The following RTN4 variants were observed in gnomAD, a reference collection of about 807,000 sequenced individuals.
RTN4 encodes reticulon 4, also known as reticulon-4.
RTN4 carries 32 observed loss-of-function variants against 90.4 expected under a neutral mutation model. The ratio of observed to expected loss-of-function variants is 0.35; its 90% confidence interval spans 0.27 to 0.48. RTN4 has a LOEUF of 0.48. RTN4 is among the 20% of genes least tolerant of loss of function. The probability of loss-of-function intolerance (pLI) is 0.99; values close to 1 mark genes in which losing one functional copy is unlikely to be tolerated. For synonymous variants in RTN4, 629 were observed against 552.5 expected (o/e 1.14, Z -1.94); for missense variants, 1,706 against 1,430.2 (o/e 1.19, Z -3.11).
the RTN4 span, among the ~76,000 whole-genome samples, chr2:55,120,041 C>T: frequency 1.3e-5 from 2 of 152,220 alleles, no homozygotes; most frequent in East Asian, 3.9e-4. Flanking sequence ...CCATGCCTCG[C>T]TGTGGGCTGC....
intron 1 of RTN4, among the ~76,000 whole-genome samples, chr2:55,039,543 G>A (rs1199602763): frequency 6.6e-6 from 1 of 152,218 alleles, no homozygotes; most frequent in African/African-American, 2.4e-5. Context: ...ACTTTGGGGG[G>A]CCGAGGCAGG....
intron 8 of RTN4, 39 bp downstream of exon 8, chr2:54,973,524 C>CTT: frequency 6.8e-7 from 1 of 1,464,468 alleles, no homozygotes; most frequent in Non-Finnish European, 9.6e-7. Context: ...TCCAGCACAC[C>CTT]TTATCCTAGT....
At chr2:55,087,356 TC>T (rs1452752583) in intron 1 of RTN4, among the ~76,000 whole-genome samples, 2 of 152,250 alleles carry the variant, frequency 1.3e-5, no homozygotes, top group African/African-American at 4.8e-5. Flanking sequence ...TTCCAGTTGT[TC>T]CACTCATTAG....
At chr2:55,053,696 C>A (rs200724943), upstream of RTN4, among the ~76,000 whole-genome samples, 16 of 142,212 alleles carry the variant, frequency 1.1e-4, no homozygotes, top group South Asian at 4.4e-4. Context: ...CAAAAAAAAA[C>A]AAAAAAAAAA....
intron 3 of RTN4, among the ~76,000 whole-genome samples, chr2:55,024,634 C>T (rs1315264628): frequency 6.6e-6 from 1 of 152,028 alleles, no homozygotes; most frequent in Non-Finnish European, 1.5e-5. Context: ...TTATACCTAC[C>T]ACTGGAAAAG....
intron 3 of RTN4, 78 bp from the exon 4 acceptor site, chr2:54,987,776 C>G (rs2580770): frequency 0.83 from 999,588 of 1,210,136 alleles, 414,865 homozygotes; most frequent in African/African-American, 0.96. Flanking sequence ...AAAACAAAAA[C>G]GCTACTACAT....
intron 1 of RTN4, among the ~76,000 whole-genome samples, chr2:55,031,584 C>G (rs1682320162): frequency 6.6e-6 from 1 of 152,184 alleles, no homozygotes; most frequent in Admixed American, 6.5e-5. Context: ...TCAGAAAGTG[C>G]TGAAGACCTG....
intron 1 of RTN4, among the ~76,000 whole-genome samples, chr2:55,039,219 A>C (rs1682894717): frequency 6.6e-6 from 1 of 152,204 alleles, no homozygotes; most frequent in African/African-American, 2.4e-5. Context: ...CGCATTTGTC[A>C]AAATGTAAAA....
chr2:54,978,653 T>C (rs1459236560), intron 5 of RTN4, among the ~76,000 whole-genome samples: 1 of 152,134 alleles, frequency 6.6e-6, no homozygotes, highest in East Asian at 1.9e-4. Flanking sequence ...GAGAGTAATT[T>C]CTACTACATT....
chr2:55,101,758 T>C (rs1035067759), intron 1 of RTN4, among the ~76,000 whole-genome samples: 2 of 152,134 alleles, frequency 1.3e-5, no homozygotes, highest in African/African-American at 4.8e-5. Context: ...AATTATTAAT[T>C]AGAAGAACTG....
At chr2:55,048,111 G>A (rs1667872343) in intron 1 of RTN4, among the ~76,000 whole-genome samples, 1 of 152,208 alleles carries the variant, frequency 6.6e-6, no homozygotes, top group Non-Finnish European at 1.5e-5. Context: ...GTAGGCAACT[G>A]TAACACAATG....
At chr2:55,002,580 T>C (rs1030294244) in intron 3 of RTN4, among the ~76,000 whole-genome samples, 12 of 152,204 alleles carry the variant, frequency 7.9e-5, no homozygotes, top group African/African-American at 2.7e-4. Context: ...TCCTACACTC[T>C]TTCCAGCTTT....
At chr2:55,116,875 CTTTT>C (rs67265925), upstream of RTN4, among the ~76,000 whole-genome samples, 1 of 126,734 alleles carries the variant, frequency 7.9e-6, no homozygotes, top group East Asian at 2.2e-4. Context: ...TCTTTTTTTC[CTTTT>C]TTTTTTTTTT....
chr2:55,027,345 G>C lies in RTN4; in HGVS notation c.754C>G (p.Leu252Val). 2 of 1,613,614 alleles carry C rather than the reference G, an allele frequency of 1.2e-6. No individual in the cohort carries two copies. Among genetic ancestry groups the C allele is most frequent in the East Asian group, 2.2e-5 (1 of 44,858 alleles). Residue 252 changes from leucine to valine, a missense_variant, in exon 3 of 9, where the codon CTT becomes GTT. Leu to Val is a conservative substitution (Grantham distance 32). Transcript: ENST00000337526. ...SAASFKEHEY[L>V]GNLSTVLPTE... ...GGTAATACTGTTGACAAATTACCAAGGTATTCATGTTCTTTGAAAGAAGCG... is the reference window on the plus strand; with the variant it reads ...GGTAATACTGTTGACAAATTACCAACGTATTCATGTTCTTTGAAAGAAGCG...
At chr2:55,092,300 A>G (rs967338042) in intron 1 of RTN4, among the ~76,000 whole-genome samples, 2 of 146,886 alleles carry the variant, frequency 1.4e-5, no homozygotes, top group African/African-American at 2.5e-5. Context: ...TAATGGCATG[A>G]TCTCAGCTCA....
Position 55,038,625 on chromosome 2 carries a change from ATGT to A in RTN4, c.557-10408_557-10406del, listed in dbSNP as rs1434380685. Among the ~76,000 whole-genome samples the A allele has an allele frequency of 2.0e-5, 3 of 152,342 alleles. No homozygotes were observed. The East Asian group carries it at 5.8e-4, about 29-fold the overall frequency. On this transcript the variant is annotated intron_variant, in intron 1 of 8. Coordinates refer to ENST00000337526, the MANE Select transcript of RTN4 (RefSeq NM_020532.5). ...GAATTTAAAAAACTGACAATATCAA[ATGT>A]TGGTGAAAACGTAAAGCCACCAGAA...
the RTN4 span, among the ~76,000 whole-genome samples, chr2:55,132,637 C>T: frequency 2.0e-5 from 3 of 151,590 alleles, no homozygotes; most frequent in East Asian, 3.9e-4. Context: ...CATGGTATAC[C>T]CCTGTCTCTA....
intron 1 of RTN4, among the ~76,000 whole-genome samples, chr2:55,099,014 G>A (rs1038144110): frequency 1.3e-5 from 2 of 152,108 alleles, no homozygotes; most frequent in Non-Finnish European, 2.9e-5. Context: ...TTGGTTGTCT[G>A]TATTCTTGTT....
upstream of RTN4, among the ~76,000 whole-genome samples, chr2:55,112,923 T>G (rs1167615521): frequency 2.6e-5 from 4 of 152,154 alleles, no homozygotes; most frequent in Non-Finnish European, 4.4e-5. Context: ...GCAGCAACAG[T>G]CTGACATTTA....
Sources: gnomAD v4.1 joint callset for allele counts (sites outside exome capture counted in the v4.1 genomes callset) on GRCh38, gnomAD v4.1.1 for gene constraint, MANE v1.5 for transcripts, NCBI Gene and HGNC (gene_info 2026-07-23, HGNC 2026-07-21) for gene names.